Variants in TDRD3 observed in about 807,000 individuals in gnomAD.
TDRD3 encodes the protein tudor domain containing 3.
In TDRD3, 45 loss-of-function variants were observed where a neutral mutation model predicts 86.7. The observed-to-expected ratio is 0.52, with a 90% CI of 0.41 to 0.67. The LOEUF (loss-of-function observed/expected upper bound fraction) is 0.67, where lower values mean the gene tolerates loss of function less well. Among genes scored for constraint, TDRD3 ranks in the 30% least tolerant of loss-of-function variants. The probability of loss-of-function intolerance (pLI) is 0.00; values close to 1 mark genes in which losing one functional copy is unlikely to be tolerated. For missense variants in TDRD3, 814 were observed against 889.0 expected (o/e 0.92, Z 1.07); for synonymous variants, 298 against 301.7 (o/e 0.99, Z 0.13).
At chr13:60,415,643 TA>T (rs1290104527) in intron 1 of TDRD3, among the ~76,000 whole-genome samples, 1 of 152,198 alleles carries the variant, frequency 6.6e-6, no homozygotes, top group East Asian at 1.9e-4. Context: ...AAAACATGAT[TA>T]ATATCAAATT....
chr13:60,470,329 T>C lies in TDRD3; in HGVS notation c.495+2950T>C, dbSNP rs183154515. ...TTAAGTCTTATGAATAATGCTGTTATGAACATGGGTACACAAATACCTCTT... is the reference window on the plus strand; with the variant it reads ...TTAAGTCTTATGAATAATGCTGTTACGAACATGGGTACACAAATACCTCTT... On this transcript the variant is annotated intron_variant, in intron 5 of 13. Transcript: ENST00000377881. 2.0e-4 allele frequency among the ~76,000 whole-genome samples: 31 copies of C among 152,342 alleles called. 1 individual carries two copies. The highest frequency in any genetic ancestry group is 1.8e-3 in the Admixed American group (27 of 15,300).
intron 11 of TDRD3, among the ~76,000 whole-genome samples, chr13:60,531,766 T>G (rs1223186605): frequency 6.6e-6 from 1 of 152,118 alleles, no homozygotes; most frequent in Non-Finnish European, 1.5e-5. Context: ...AATAACATCT[T>G]CTACAACCTT....
intron 10 of TDRD3, among the ~76,000 whole-genome samples, chr13:60,521,928 A>G (rs1412197813): frequency 6.6e-6 from 1 of 152,168 alleles, no homozygotes; most frequent in Non-Finnish European, 1.5e-5. Context: ...GAATTATATA[A>G]AAAAGAGTAA....
chr13:60,492,727 G>A (rs941665133), intron 7 of TDRD3, among the ~76,000 whole-genome samples: 5 of 151,890 alleles, frequency 3.3e-5, no homozygotes, highest in African/African-American at 1.2e-4. Flanking sequence ...AATGAATCTA[G>A]TAATGAATCC....
At chr13:60,566,812 T>G (rs1958470689) in intron 12 of TDRD3, among the ~76,000 whole-genome samples, 1 of 152,206 alleles carries the variant, frequency 6.6e-6, no homozygotes, top group South Asian at 2.1e-4. Context: ...CTTTATGCTA[T>G]TTAATCTGCT....
chr13:60,570,529 A>G (rs1343114148), intron 13 of TDRD3, among the ~76,000 whole-genome samples: 1 of 152,266 alleles, frequency 6.6e-6, no homozygotes, highest in African/African-American at 2.4e-5. Flanking sequence ...AAATAGAACC[A>G]CCATATGATC....
At position 60,500,435 on chromosome 13, in the gene TDRD3, A is replaced by G. The variant is rs117829810; in HGVS notation, c.858+5860A>G. Reference sequence around the variant, plus strand: ...ACCAGTGGCCTCATGGGGAGTCCCTATGATCAGTTGACAGAGGAAGAGAAG... The same window carrying G: ...ACCAGTGGCCTCATGGGGAGTCCCTGTGATCAGTTGACAGAGGAAGAGAAG... On this transcript the variant is annotated intron_variant, in intron 8 of 13. Transcript: ENST00000377881. 5.0e-3 allele frequency among the ~76,000 whole-genome samples: 755 copies of G among 152,228 alleles called. 3 individuals carry two copies. The highest frequency in any genetic ancestry group is 0.024 in the Middle Eastern group (7 of 292).
chr13:60,441,684 C>T (rs936790358), intron 2 of TDRD3, among the ~76,000 whole-genome samples: 7 of 152,064 alleles, frequency 4.6e-5, no homozygotes, highest in Non-Finnish European at 8.8e-5. Context: ...CATATATGTA[C>T]GTACCCACAC....
chr13:60,406,375 G>T (rs1353239615), intron 1 of TDRD3, among the ~76,000 whole-genome samples: 2 of 152,192 alleles, frequency 1.3e-5, no homozygotes, highest in African/African-American at 4.8e-5. Context: ...TACTAAAAAT[G>T]AGTGTAAGGA....
chr13:60,534,563 T>C (rs1420042866), intron 11 of TDRD3, among the ~76,000 whole-genome samples: 2 of 108,668 alleles, frequency 1.8e-5, no homozygotes, highest in East Asian at 4.0e-4. Flanking sequence ...TTTTTTGCAA[T>C]TTTTTTTTTA....
Position 60,456,756 on chromosome 13 carries a change from C to T in TDRD3, c.193-3624C>T, listed in dbSNP as rs150907911. Among the ~76,000 whole-genome samples, 420 of 152,096 alleles carry T rather than the reference C, an allele frequency of 2.8e-3. 4 individuals carry two copies. The highest frequency in any genetic ancestry group is 4.7e-3 in the Non-Finnish European group (317 of 67,982). On this transcript the variant is annotated intron_variant, in intron 3 of 13. Transcript: ENST00000377881. Reference sequence around the variant, plus strand: ...TGTCACCTGGGCCAGAGTGTAGTGGCGCAATCGTGGTTCACTGTAGCCTCC... The same window carrying T: ...TGTCACCTGGGCCAGAGTGTAGTGGTGCAATCGTGGTTCACTGTAGCCTCC...
chr13:60,490,160 T>C (rs1436473976), intron 7 of TDRD3, among the ~76,000 whole-genome samples: 1 of 150,952 alleles, frequency 6.6e-6, no homozygotes, highest in Non-Finnish European at 1.5e-5. Context: ...TTGTGCAAGG[T>C]TATCCAGTGA....
intron 1 of TDRD3, among the ~76,000 whole-genome samples, chr13:60,435,313 G>A (rs1955061902): frequency 1.3e-5 from 2 of 151,912 alleles, no homozygotes. Flanking sequence ...GGTGGTTTTT[G>A]GTTACCTAGA....
Position 60,478,319 on chromosome 13 carries a change from T to TG in TDRD3, c.496-5455dup, listed in dbSNP as rs1491405570. ...TTTTTTTTTTTTTTTTTTTTTTTTT[T>TG]GAGACAGAGTCTCACTGTGTCTCCC... On this transcript the variant is annotated intron_variant, in intron 5 of 13. Transcript: ENST00000377881. Among the ~76,000 whole-genome samples the TG allele has an allele frequency of 9.4e-4, 95 of 100,590 alleles. 3 individuals are homozygous for TG. The highest frequency in any genetic ancestry group is 6.3e-3 in the Middle Eastern group (1 of 160). 66.0% of individuals were successfully genotyped at this position (100,590 alleles called of 152,430 possible).
chr13:60,439,400 G>A (rs1197117076), intron 1 of TDRD3, among the ~76,000 whole-genome samples: 1 of 152,084 alleles, frequency 6.6e-6, no homozygotes, highest in Non-Finnish European at 1.5e-5. Context: ...ATAGCAAAGA[G>A]CAGCTTATAC....
At chr13:60,534,713 C>T (rs748896680) in intron 11 of TDRD3, among the ~76,000 whole-genome samples, 1 of 151,802 alleles carries the variant, frequency 6.6e-6, no homozygotes, top group Non-Finnish European at 1.5e-5. Context: ...ATCACTTGAG[C>T]TCAGGAGTTT....
intron 3 of TDRD3, among the ~76,000 whole-genome samples, chr13:60,456,750 T>C (rs1955681635): frequency 6.6e-6 from 1 of 152,074 alleles, no homozygotes; most frequent in South Asian, 2.1e-4. Flanking sequence ...GGCCAGAGTG[T>C]AGTGGCGCAA....
At chr13:60,422,765 CAGAG>C (rs1314884707) in intron 1 of TDRD3, among the ~76,000 whole-genome samples, 1 of 150,792 alleles carries the variant, frequency 6.6e-6, no homozygotes, top group African/African-American at 2.4e-5. Context: ...TAAGAAATGT[CAGAG>C]AGAAAGTAGT....
At chr13:60,550,701 A>G (rs1247451155) in intron 12 of TDRD3, among the ~76,000 whole-genome samples, 2 of 152,132 alleles carry the variant, frequency 1.3e-5, no homozygotes, top group African/African-American at 4.8e-5. Context: ...GTTAAGAGCT[A>G]GTTTCGCATT....
Sources: gnomAD v4.1 joint callset for allele counts (sites outside exome capture counted in the v4.1 genomes callset) on GRCh38, gnomAD v4.1.1 for gene constraint, MANE v1.5 for transcripts, NCBI Gene and HGNC (gene_info 2026-07-23, HGNC 2026-07-21) for gene names.